Variants in FSTL4 observed in about 807,000 individuals in gnomAD.
FSTL4 encodes the protein follistatin-related protein 4.
A neutral mutation model predicts 78.2 loss-of-function variants in FSTL4; 28 were observed. That is an observed-to-expected ratio of 0.36 (90% CI 0.27 to 0.49). The LOEUF is 0.49. FSTL4 is among the 20% of genes least tolerant of loss of function. The pLI is 0.98. For synonymous variants in FSTL4, 422 were observed against 440.5 expected, an observed-to-expected ratio of 0.96 and a Z score of 0.53; for missense variants, 922 against 1,084.9, an observed-to-expected ratio of 0.85 and a Z score of 2.11.
chr5:133,382,756 T>C (rs60583827), intron 4 of FSTL4, among the ~76,000 whole-genome samples: 1 of 152,306 alleles, frequency 6.6e-6, no homozygotes, highest in African/African-American at 2.4e-5. Context: ...GCTTGCACCA[T>C]GTAATACATA....
the FSTL4 span, among the ~76,000 whole-genome samples, chr5:133,669,983 CCT>C: frequency 6.6e-6 from 1 of 152,150 alleles, no homozygotes; most frequent in Non-Finnish European, 1.5e-5. Flanking sequence ...GAGTCCTGCC[CCT>C]GTCTCAGGCC....
At chr5:133,777,109 A>G in the FSTL4 span, among the ~76,000 whole-genome samples, 2 of 152,208 alleles carry the variant, frequency 1.3e-5, no homozygotes, top group Admixed American at 1.3e-4. Context: ...GGCTCACAAG[A>G]CAGGTGGAAG....
upstream of FSTL4, among the ~76,000 whole-genome samples, chr5:133,613,612 T>G (rs1247048001): frequency 6.6e-6 from 1 of 152,224 alleles, no homozygotes; most frequent in Non-Finnish European, 1.5e-5. Context: ...CAGCAGGCAC[T>G]GTGCTATTAA....
intron 4 of FSTL4, among the ~76,000 whole-genome samples, chr5:133,354,232 AGGCCTTACCAG>A (rs1341680732): frequency 1.3e-5 from 2 of 152,228 alleles, no homozygotes; most frequent in Non-Finnish European, 2.9e-5. Flanking sequence ...GAAGCCCTTA[AGGCCTTACCAG>A]GGTGGAAAGA....
intron 2 of FSTL4, among the ~76,000 whole-genome samples, chr5:133,592,856 C>T (rs1760660549): frequency 6.6e-6 from 1 of 152,166 alleles, no homozygotes; most frequent in South Asian, 2.1e-4. Context: ...GGCCATGCTT[C>T]TTGTACAGCC....
the FSTL4 span, among the ~76,000 whole-genome samples, chr5:133,801,033 C>T: frequency 5.8e-4 from 89 of 152,176 alleles, 1 homozygote; most frequent in African/African-American, 1.9e-3. Context: ...ATCTGCAGCC[C>T]GGCAGCACTG....
At chr5:133,216,341 A>C (rs1269152599) in intron 13 of FSTL4, among the ~76,000 whole-genome samples, 2 of 152,032 alleles carry the variant, frequency 1.3e-5, no homozygotes, top group African/African-American at 4.8e-5. Flanking sequence ...CCCAGGCTGG[A>C]GTGCAGTGGT....
chr5:133,804,852 G>C, the FSTL4 span, among the ~76,000 whole-genome samples: 76 of 148,584 alleles, frequency 5.1e-4, 1 homozygote, highest in African/African-American at 1.3e-3. Context: ...GCTGAGGCAG[G>C]AGAACGGCAT....
chr5:133,790,305 T>C, the FSTL4 span, among the ~76,000 whole-genome samples: 8,295 of 152,254 alleles, frequency 0.054, 766 homozygotes, highest in African/African-American at 0.19. Flanking sequence ...TTTGGGATAA[T>C]TTACTTAACC....
chr5:133,458,066 C>T lies in FSTL4; in HGVS notation c.161-57080G>A, dbSNP rs73788096. The T allele has an allele frequency of 5.0e-3, 765 of 152,242 alleles. 4 individuals carry two copies. Among genetic ancestry groups the T allele is most frequent in the African/African-American group, 0.018 (732 of 41,514 alleles). 9.4% of individuals were successfully genotyped at this position (152,242 alleles called of 1,614,324 possible). A position where few individuals can be genotyped will look rare whatever the true frequency, so the allele number is the denominator to read the frequency against. On this transcript the variant is annotated intron_variant, in intron 3 of 15. Transcript: ENST00000265342. ...AGCTGAACTTTCCTTTCCCATTCTG[C>T]GCAGTGAACAGTCATTGTTTAAAAA...
the FSTL4 span, among the ~76,000 whole-genome samples, chr5:133,747,076 A>G: frequency 1.3e-5 from 2 of 152,134 alleles, no homozygotes; most frequent in Non-Finnish European, 2.9e-5. Context: ...CACCCAGCCT[A>G]GAGGCCATGG....
chr5:133,387,156 C>T (rs536535082), intron 4 of FSTL4, among the ~76,000 whole-genome samples: 83 of 152,264 alleles, frequency 5.5e-4, no homozygotes, highest in Admixed American at 1.1e-3. Context: ...TCATGTCCCA[C>T]CCACCCACTC....
At chr5:133,259,526 T>C (rs1752465718) in intron 6 of FSTL4, among the ~76,000 whole-genome samples, 1 of 150,428 alleles carries the variant, frequency 6.6e-6, no homozygotes, top group South Asian at 2.1e-4. Flanking sequence ...TTCTTTTTTT[T>C]TTTTTTTTTT....
chr5:133,752,519 A>C, the FSTL4 span, among the ~76,000 whole-genome samples: 1 of 152,270 alleles, frequency 6.6e-6, no homozygotes, highest in African/African-American at 2.4e-5. Context: ...TGGGAGGCTG[A>C]GAATCACTTG....
chr5:133,756,748 C>T, the FSTL4 span, among the ~76,000 whole-genome samples: 20 of 152,042 alleles, frequency 1.3e-4, no homozygotes, highest in Non-Finnish European at 1.9e-4. Flanking sequence ...GTGCTATATC[C>T]GGAGCATTTC....
intron 7 of FSTL4, among the ~76,000 whole-genome samples, chr5:133,242,890 G>T (rs1167979522): frequency 6.6e-6 from 1 of 152,176 alleles, no homozygotes. Flanking sequence ...CTATCGTGGT[G>T]CAAACAGCTC....
At position 133,440,295 on chromosome 5, in the gene FSTL4, CA is replaced by C. The variant is rs541797391; in HGVS notation, c.161-39310del. On this transcript the variant is annotated intron_variant, in intron 3 of 15. Coordinates refer to ENST00000265342, the MANE Select transcript of FSTL4 (RefSeq NM_015082.2). This position sits in a 1 kb window ranked among gnomAD's most constrained non-coding sequence, Gnocchi z 4.1. ...ATCATTTGGGTGGCTGTGGGCAGCT[CA>C]GGGGTGCCCGTAAGATGCCTCACCA... Among the ~76,000 whole-genome samples, 326 of 152,256 alleles carry C rather than the reference CA, an allele frequency of 2.1e-3. No individual in the cohort carries two copies. The highest frequency in any genetic ancestry group is 0.01 in the Middle Eastern group (3 of 294).
chr5:133,636,299 C>A, the FSTL4 span, among the ~76,000 whole-genome samples: 3 of 152,286 alleles, frequency 2.0e-5, no homozygotes, highest in East Asian at 5.8e-4. Context: ...AGCCTGAGAG[C>A]TCCACTCTCT....
the FSTL4 span, among the ~76,000 whole-genome samples, chr5:133,806,911 C>A: frequency 6.6e-6 from 1 of 152,244 alleles, no homozygotes; most frequent in Non-Finnish European, 1.5e-5. Context: ...GGAGCCCAGT[C>A]TTTGCAGAGC....
Sources: allele counts gnomAD v4.1 joint callset (sites outside exome capture counted in the v4.1 genomes callset), GRCh38; gene constraint gnomAD v4.1.1; non-coding constraint Gnocchi (gnomAD v3.1); transcripts MANE v1.5; gene names NCBI Gene and HGNC (gene_info 2026-07-23, HGNC 2026-07-21).